Variants in LTBP4 observed in about 807,000 individuals in gnomAD.
LTBP4 encodes latent transforming growth factor beta binding protein 4.
LTBP4 carries 93 observed loss-of-function variants against 180.2 expected under a neutral mutation model. That is an observed-to-expected ratio of 0.52 (90% CI 0.44 to 0.61). LTBP4 has a LOEUF of 0.61. Among genes scored for constraint, LTBP4 ranks in the 20% least tolerant of loss-of-function variants. LTBP4 has a pLI of 0.00. For missense variants in LTBP4, 2,116 were observed against 2,256.5 expected (o/e 0.94, Z 1.26); for synonymous variants, 947 against 934.5 (o/e 1.01, Z -0.24).
rs746979498 is a variant in LTBP4, at chr19:40,609,642, C to A, written c.1539C>A (p.Pro513=). The A allele has an allele frequency of 2.7e-5, 44 of 1,613,076 alleles. No homozygotes were observed. The change falls in exon 10 of 30, where the codon CCC becomes CCA. Residue 513 remains proline (P), a synonymous_variant. Transcript: ENST00000396819. The surrounding 1 kb of genome is among the most constrained non-coding windows in gnomAD (Gnocchi z 4.9). ...CACDSGFRLS[P]QGTRCIDVDE... Reference sequence around the variant, plus strand: ...GCGACTCTGGCTTCCGGCTCAGCCCCCAGGGCACCCGATGCATTGGTGAGC... The same window carrying A: ...GCGACTCTGGCTTCCGGCTCAGCCCACAGGGCACCCGATGCATTGGTGAGC...
chr19:40,607,170 T>C (rs2081468928), intron 6 of LTBP4, among the ~76,000 whole-genome samples, 195 bp from the exon 7 acceptor site: 1 of 152,150 alleles, frequency 6.6e-6, no homozygotes. Flanking sequence ...TGACACCCCA[T>C]TGAGGCTCCA....
In LTBP4 at chr19:40,626,017, C is replaced by T. The variant is rs2146050748; in HGVS notation, c.3985+8C>T. 1 of 1,593,352 alleles carries T rather than the reference C, an allele frequency of 6.3e-7. No homozygotes were observed. The highest frequency in any genetic ancestry group is 8.5e-7 in the Non-Finnish European group (1 of 1,171,952). ...GCCCTGCGCAGGACTCAGGTGCTGG[C>T]ACTGGCCTAGGCTGAACTCAGAGGC... On this transcript the variant is annotated splice_region_variant and intron_variant, in intron 27 of 29. Transcript: ENST00000396819.
chr19:40,609,769 C>A lies in LTBP4; in HGVS notation c.1582C>A (p.Pro528Thr). 1 of 1,611,878 alleles carries A rather than the reference C, an allele frequency of 6.2e-7. No individual in the cohort carries two copies. Among genetic ancestry groups the A allele is most frequent in the Middle Eastern group, 1.7e-4 (1 of 6,052 alleles). The change falls in exon 11 of 30, where the codon CCC (proline) becomes ACC (threonine). Residue 528 changes from proline to threonine, a missense_variant. Around this residue, in one of 5 missense-constraint regions of LTBP4, gnomAD observed 877 missense variants for 873.6 expected, o/e 1.00. Transcript: ENST00000396819. This position sits in a 1 kb window ranked among gnomAD's most constrained non-coding sequence, Gnocchi z 4.9. ...CIDVDECRRV[P>T]PPCAPGRCEN... ...AGATGTGGACGAATGTCGCCGCGTG[C>A]CCCCGCCCTGTGCTCCCGGGCGCTG... is the stretch of plus-strand genomic sequence containing the variant.
At position 40,616,950 on chromosome 19, in the gene LTBP4, C is replaced by T; in HGVS notation, c.2874C>T (p.Thr958=). 6.2e-7 allele frequency: 1 copy of T among 1,613,968 alleles called. No homozygotes were observed. The highest frequency in any genetic ancestry group is 8.5e-7 in the Non-Finnish European group (1 of 1,179,886). ...EICGAQRCEN[T]PGSYRCTPAC... ...GTGGAGCCCAGCGTTGTGAGAACAC[C>T]CCTGGCTCCTACCGCTGCACACCAG... The change falls in exon 20 of 30, where the codon ACC becomes ACT. Residue 958 remains threonine (T), a synonymous_variant. Coordinates refer to ENST00000396819, the MANE Select transcript of LTBP4 (RefSeq NM_001042545.2).
upstream of LTBP4, chr19:40,600,206 G>T: frequency 8.3e-7 from 1 of 1,204,542 alleles, no homozygotes; most frequent in South Asian, 4.2e-5. The surrounding 1 kb of genome is among the most constrained non-coding windows in gnomAD (Gnocchi z 4.4). Context: ...CCTCCGCCTG[G>T]GGCGAGGGGG....
upstream of LTBP4, chr19:40,597,444 G>A: frequency 2.9e-6 from 4 of 1,395,918 alleles, no homozygotes; most frequent in South Asian, 1.5e-5. Context: ...GAGGACCACG[G>A]CTTTCGGATT....
chr19:40,625,781 C>T, intron 26 of LTBP4, 76 bp from the exon 27 acceptor site: 1 of 1,345,170 alleles, frequency 7.4e-7, no homozygotes, highest in Non-Finnish European at 9.8e-7. Context: ...CTGGGCTGCT[C>T]AGCAGGGGAA....
In LTBP4 at chr19:40,625,316, A is replaced by ATTTTTTTT. The variant is rs1162232222; in HGVS notation, c.3833-537_3833-530dup. On this transcript the variant is annotated intron_variant, in intron 26 of 29. Transcript: ENST00000396819. ...TATATATATATATATATATATATAT[A>ATTTTTTTT]TTTTTTTTTTTAAAGATGGGTTTTT... 6.4e-4 allele frequency among the ~76,000 whole-genome samples: 14 copies of ATTTTTTTT among 21,928 alleles called. 1 individual carries two copies. The highest frequency in any genetic ancestry group is 8.7e-4 in the Non-Finnish European group (11 of 12,646). 14.4% of individuals were successfully genotyped at this position (21,928 alleles called of 152,430 possible).
chr19:40,606,660 C>T, intron 6 of LTBP4, 134 bp downstream of exon 6: 1 of 1,052,798 alleles, frequency 9.5e-7, no homozygotes, highest in Non-Finnish European at 1.4e-6. Flanking sequence ...AGAGCCCCCT[C>T]AGAACTTCTC....
Position 40,629,507 on chromosome 19 carries a change from C to G in LTBP4, c.4631C>G (p.Thr1544Arg). The change falls in exon 30 of 30, where the codon ACG (threonine) becomes AGG (arginine). Residue 1544 changes from threonine to arginine, a missense_variant. Transcript: ENST00000396819. This position sits in a 1 kb window ranked among gnomAD's most constrained non-coding sequence, Gnocchi z 4.5. ...RCICRPGFAP[T>R]HQPHHCAPAR... is the part of the protein sequence containing the mutation. ...ATCTGCCGCCCGGGATTCGCACCCA[C>G]GCACCAGCCGCACCACTGTGCGCCC... is the stretch of plus-strand genomic sequence containing the variant. The G allele has an allele frequency of 6.3e-7, 1 of 1,595,506 alleles. No individual in the cohort carries two copies. Among genetic ancestry groups the G allele is most frequent in the Non-Finnish European group, 8.6e-7 (1 of 1,169,310 alleles).
At chr19:40,600,310 C>G (rs921406362), upstream of LTBP4, 1 of 415,002 alleles carries the variant, frequency 2.4e-6, no homozygotes, top group South Asian at 1.4e-4. This position sits in a 1 kb window ranked among gnomAD's most constrained non-coding sequence, Gnocchi z 4.4. Context: ...AGGACGAGGC[C>G]CCCTCTAGGG....
intron 19 of LTBP4, 52 bp from the exon 20 acceptor site, chr19:40,616,837 A>G: frequency 6.2e-7 from 1 of 1,603,958 alleles, no homozygotes; most frequent in Non-Finnish European, 8.5e-7. Context: ...TGGTGTTAGA[A>G]CTTCTGAATT....
chr19:40,606,181 C>G (rs2081459865), intron 4 of LTBP4, 52 bp from the exon 5 acceptor site: 5 of 1,484,246 alleles, frequency 3.4e-6, no homozygotes, highest in Non-Finnish European at 4.6e-6. Flanking sequence ...CTGCCCACTC[C>G]ATTCTCGCTC....
chr19:40,599,361 AT>A, upstream of LTBP4: 1 of 1,610,678 alleles, frequency 6.2e-7, no homozygotes, highest in Non-Finnish European at 8.5e-7. Context: ...AGCTGGATGC[AT>A]TTGGTAGAGA....
intron 20 of LTBP4, 34 bp from the exon 21 acceptor site, chr19:40,617,066 G>A (rs981820693): frequency 6.2e-7 from 1 of 1,613,808 alleles, no homozygotes; most frequent in Admixed American, 1.7e-5. Flanking sequence ...ATGGTAGAAG[G>A]TCCAGAAATG....
At chr19:40,625,283 TATA>T (rs2081620286) in intron 26 of LTBP4, among the ~76,000 whole-genome samples, 1 of 8,708 alleles carries the variant, frequency 1.1e-4, no homozygotes, top group African/African-American at 1.3e-3. Flanking sequence ...TATATATATA[TATA>T]TATATATATA....
In LTBP4 at chr19:40,629,477, G is replaced by T; in HGVS notation, c.4601G>T (p.Arg1534Leu). Residue 1534 changes from arginine (R) to leucine (L), a missense_variant, in exon 30 of 30, where the codon CGC becomes CTC. By Grantham distance (102) the Arg-to-Leu change is moderately radical. Around this residue, in one of 5 missense-constraint regions of LTBP4, gnomAD observed 488 missense variants for 458.8 expected, o/e 1.06. Coordinates refer to ENST00000396819, the MANE Select transcript of LTBP4 (RefSeq NM_001042545.2). This position sits in a 1 kb window ranked among gnomAD's most constrained non-coding sequence, Gnocchi z 4.5. Reference protein sequence around the residue: ...ARCLNTDGSFRCICRPGFAPT... With the variant: ...ARCLNTDGSFLCICRPGFAPT... ...TGCCTCAACACGGATGGCTCCTTCCGCTGCATCTGCCGCCCGGGATTCGCA... is the reference window on the plus strand; with the variant it reads ...TGCCTCAACACGGATGGCTCCTTCCTCTGCATCTGCCGCCCGGGATTCGCA... The T allele has an allele frequency of 6.2e-7, 1 of 1,607,782 alleles. No homozygotes were observed. Among genetic ancestry groups the T allele is most frequent in the Non-Finnish European group, 8.5e-7 (1 of 1,176,160 alleles).
intron 1 of LTBP4, among the ~76,000 whole-genome samples, chr19:40,595,902 T>C (rs1239255626): frequency 7.4e-6 from 1 of 134,248 alleles, no homozygotes; most frequent in African/African-American, 2.9e-5. Context: ...GGCTAATTTT[T>C]GGATTTTTTT....
upstream of LTBP4, chr19:40,599,473 G>A (rs2081408763): frequency 6.2e-7 from 1 of 1,613,874 alleles, no homozygotes; most frequent in East Asian, 2.2e-5. Flanking sequence ...GCCCCCAGCG[G>A]TGCCTGAACC....
Sources: gnomAD v4.1 joint callset for allele counts (sites outside exome capture counted in the v4.1 genomes callset) on GRCh38, gnomAD v4.1.1 for gene constraint, gnomAD v4.1.1 regional missense constraint, Gnocchi (gnomAD v3.1) non-coding constraint, MANE v1.5 for transcripts, NCBI Gene and HGNC (gene_info 2026-07-23, HGNC 2026-07-21) for gene names.